Variants in PPP2CA observed in about 807,000 individuals in gnomAD.
PPP2CA encodes protein phosphatase 2 catalytic subunit alpha, also known as serine/threonine-protein phosphatase 2A catalytic subunit alpha isoform.
In PPP2CA, 5 loss-of-function variants were observed where a neutral mutation model predicts 38.8. The observed-to-expected ratio is 0.13, with a 90% confidence interval of 0.07 to 0.27. PPP2CA has a LOEUF of 0.27. Among genes scored for constraint, PPP2CA ranks in the 10% least tolerant of loss-of-function variants. PPP2CA has a pLI of 1.00. For missense variants in PPP2CA, 88 were observed against 389.7 expected (o/e 0.23, Z 6.52); for synonymous variants, 152 against 134.0 (o/e 1.13, Z -0.93).
chr5:134,218,514 A>T (rs1375296032), intron 1 of PPP2CA, among the ~76,000 whole-genome samples: 2 of 152,168 alleles, frequency 1.3e-5, no homozygotes, highest in East Asian at 1.9e-4. Flanking sequence ...TAGAAAAAGA[A>T]GTTTTAATCT....
intron 1 of PPP2CA, among the ~76,000 whole-genome samples, chr5:134,218,763 G>C (rs1762374179): frequency 6.6e-6 from 1 of 151,860 alleles, no homozygotes; most frequent in East Asian, 1.9e-4. Context: ...CTGCCTGCTG[G>C]GTTCAAGCAA....
rs574595002 is a variant in PPP2CA, at chr5:134,225,940, C to A, written c.-79G>T. The A allele has an allele frequency of 2.3e-6, 3 of 1,327,622 alleles. No individual in the cohort carries two copies. The East Asian group carries it at 7.4e-5, about 33-fold the overall frequency. 82.2% of individuals were successfully genotyped at this position (1,327,622 alleles called of 1,614,324 possible). A position where few individuals can be genotyped will look rare whatever the true frequency, so the allele number is the denominator to read the frequency against. ...CGCACACGGGCCTACACGCACACGC[C>A]GCCGCCGGTTCCTCGTGTACTTCTG... On this transcript the variant is annotated 5_prime_UTR_variant, in exon 1 of 7. Coordinates refer to ENST00000481195, the MANE Select transcript of PPP2CA (RefSeq NM_002715.4).
In PPP2CA at chr5:134,195,101, C is replaced by T. The variant is rs565322963; in HGVS notation, c.*2671G>A. 4 of 152,140 alleles carry T rather than the reference C, an allele frequency of 2.6e-5. No homozygotes were observed. The highest frequency in any genetic ancestry group is 1.3e-4 in the Admixed American group (2 of 15,284). 9.4% of individuals were successfully genotyped at this position (152,140 alleles called of 1,614,324 possible). A position where few individuals can be genotyped will look rare whatever the true frequency, so the allele number is the denominator to read the frequency against. On this transcript the variant is annotated 3_prime_UTR_variant, in exon 7 of 7. Transcript: ENST00000481195. ...TGACAAACTTCTATTTAAGAAATAC[C>T]GACTACAACCAACAAATGTTTAATA...
intron 2 of PPP2CA, among the ~76,000 whole-genome samples, chr5:134,204,145 C>T (rs1195708805): frequency 6.6e-6 from 1 of 152,216 alleles, no homozygotes; most frequent in Non-Finnish European, 1.5e-5. Flanking sequence ...GAAAATTCAG[C>T]TCACGCTAAA....
intron 3 of PPP2CA, among the ~76,000 whole-genome samples, chr5:134,201,627 T>A (rs1338268327): frequency 6.6e-6 from 1 of 152,210 alleles, no homozygotes; most frequent in African/African-American, 2.4e-5. Flanking sequence ...ACCCCTGTGA[T>A]CCCACCATAC....
intron 1 of PPP2CA, among the ~76,000 whole-genome samples, chr5:134,214,846 TAAGAA>T (rs944252137): frequency 1.3e-5 from 2 of 152,150 alleles, no homozygotes; most frequent in African/African-American, 4.8e-5. Flanking sequence ...CTACAATTAT[TAAGAA>T]AAGTTATCAC....
chr5:134,201,700 ATTTT>A, intron 3 of PPP2CA, 144 bp downstream of exon 3: 1 of 922,150 alleles, frequency 1.1e-6, no homozygotes, highest in Non-Finnish European at 1.6e-6. Flanking sequence ...GTCAAATTAA[ATTTT>A]TTTTAAGTTT....
Position 134,216,557 on chromosome 5 carries a change from A to AAAAAAAAAAAAAAAAAAAAG in PPP2CA, c.102+9202_102+9203insCTTTTTTTTTTTTTTTTTTT, listed in dbSNP as rs57520870. Among the ~76,000 whole-genome samples the AAAAAAAAAAAAAAAAAAAAG allele has an allele frequency of 2.7e-5, 3 of 111,084 alleles. 1 individual carries two copies. Among genetic ancestry groups the AAAAAAAAAAAAAAAAAAAAG allele is most frequent in the Non-Finnish European group, 3.6e-5 (2 of 55,304 alleles). 72.9% of individuals were successfully genotyped at this position (111,084 alleles called of 152,430 possible). On this transcript the variant is annotated intron_variant, in intron 1 of 6. Transcript: ENST00000481195. ...TGCCTCAAAAAAAAAAAAAAAAAAAAGTGGTTTCCTTCAAAAGAAGGTAGT... is the reference window on the plus strand; with the variant it reads ...TGCCTCAAAAAAAAAAAAAAAAAAAAAAAAAAAAAAAAAAAAAAAGGTGGTTTCCTTCAAAAGAAGGTAGT...
At position 134,224,175 on chromosome 5, in the gene PPP2CA, T is replaced by C. The variant is rs756283400; in HGVS notation, c.102+1585A>G. ...ATTCCAAAAATCGGTAAGATCATCATGTACAGTACCTAGAAATTAAGACCT... is the reference window on the plus strand; with the variant it reads ...ATTCCAAAAATCGGTAAGATCATCACGTACAGTACCTAGAAATTAAGACCT... On this transcript the variant is annotated intron_variant, in intron 1 of 6. Coordinates refer to ENST00000481195, the MANE Select transcript of PPP2CA (RefSeq NM_002715.4). 5.2e-5 allele frequency: 21 copies of C among 402,358 alleles called. 1 individual carries two copies. The highest frequency in any genetic ancestry group is 3.1e-4 in the South Asian group (17 of 54,232). 24.9% of individuals were successfully genotyped at this position (402,358 alleles called of 1,614,324 possible).
intron 2 of PPP2CA, 154 bp from the exon 3 acceptor site, chr5:134,202,175 G>C (rs1761981587): frequency 2.8e-6 from 2 of 707,672 alleles, no homozygotes; most frequent in Non-Finnish European, 4.4e-6. Context: ...CAGCTCTACA[G>C]AATTTTTAAA....
intron 5 of PPP2CA, chr5:134,199,485 A>C: frequency 3.6e-6 from 1 of 278,014 alleles, no homozygotes; most frequent in South Asian, 8.8e-5. Flanking sequence ...CCAAAGAATG[A>C]AATACTTCTC....
At chr5:134,225,512 G>A (rs1762552444) in intron 1 of PPP2CA, 1 of 432,846 alleles carries the variant, frequency 2.3e-6, no homozygotes, top group East Asian at 4.2e-5. Context: ...CGCCAAGGCC[G>A]GCTGACTCAA....
intron 1 of PPP2CA, 186 bp downstream of exon 1, chr5:134,225,574 T>C: frequency 2.0e-6 from 1 of 508,950 alleles, no homozygotes; most frequent in Middle Eastern, 5.2e-4. Flanking sequence ...CGGCAACCAA[T>C]CCCTGCGCGG....
chr5:134,212,610 T>C (rs1372030773), intron 1 of PPP2CA, among the ~76,000 whole-genome samples: 5 of 152,194 alleles, frequency 3.3e-5, no homozygotes, highest in African/African-American at 1.2e-4. Context: ...TCTCTCACTT[T>C]AAATGAAAAG....
chr5:134,225,719 T>C, intron 1 of PPP2CA, 41 bp downstream of exon 1: 1 of 1,570,548 alleles, frequency 6.4e-7, no homozygotes, highest in Non-Finnish European at 8.6e-7. Context: ...CTCGGCGGGC[T>C]CGGCCCCGCG....
At chr5:134,214,665 C>G (rs2149386917) in intron 1 of PPP2CA, among the ~76,000 whole-genome samples, 1 of 152,204 alleles carries the variant, frequency 6.6e-6, no homozygotes, top group East Asian at 1.9e-4. Flanking sequence ...ACAAGTTGTC[C>G]ATGAATATTT....
At chr5:134,219,441 A>G (rs1387343243) in intron 1 of PPP2CA, among the ~76,000 whole-genome samples, 1 of 152,168 alleles carries the variant, frequency 6.6e-6, no homozygotes, top group Non-Finnish European at 1.5e-5. Flanking sequence ...CTTGTCTCCC[A>G]TTCTACTCCT....
chr5:134,208,737 T>C (rs1762138297), intron 1 of PPP2CA, among the ~76,000 whole-genome samples: 2 of 152,210 alleles, frequency 1.3e-5, no homozygotes, highest in African/African-American at 4.8e-5. Context: ...TTGGGGAGTG[T>C]CTGTATATCC....
chr5:134,218,476 GAATTA>G (rs1459886151), intron 1 of PPP2CA, among the ~76,000 whole-genome samples: 1 of 152,098 alleles, frequency 6.6e-6, no homozygotes, highest in Non-Finnish European at 1.5e-5. Context: ...ATATGTGAAT[GAATTA>G]AACACTCCCA....
Sources: gnomAD v4.1 joint callset for allele counts (sites outside exome capture counted in the v4.1 genomes callset) on GRCh38, gnomAD v4.1.1 for gene constraint, MANE v1.5 for transcripts, NCBI Gene and HGNC (gene_info 2026-07-23, HGNC 2026-07-21) for gene names.